The following PDSS2 variants were observed in gnomAD, a reference collection of about 807,000 sequenced individuals.
The protein encoded by PDSS2 is decaprenyl diphosphate synthase subunit 2.
PDSS2 carries 31 observed loss-of-function variants against 44.5 expected under a neutral mutation model. The ratio of observed to expected loss-of-function variants is 0.70; its 90% CI spans 0.52 to 0.94. PDSS2 has a LOEUF of 0.94. PDSS2 is among the 40% of genes least tolerant of loss of function. The pLI is 0.00. For missense variants in PDSS2, 452 were observed against 482.2 expected, an observed-to-expected ratio of 0.94 and a Z score of 0.59; for synonymous variants, 157 against 180.3, an observed-to-expected ratio of 0.87 and a Z score of 1.03.
chr6:107,264,578 G>A, intron 3 of PDSS2: 1 of 1,014,298 alleles, frequency 9.9e-7, no homozygotes, highest in Non-Finnish European at 1.5e-6. Flanking sequence ...CATTATATAT[G>A]TAAAGTAAAA....
At chr6:107,447,421 T>C (rs929619186) in intron 1 of PDSS2, among the ~76,000 whole-genome samples, 1 of 152,180 alleles carries the variant, frequency 6.6e-6, no homozygotes, top group Admixed American at 6.5e-5. Context: ...TAAATACATC[T>C]GTTCCAAATG....
chr6:107,186,476 G>GC (rs1562360501), intron 7 of PDSS2, among the ~76,000 whole-genome samples: 1 of 150,308 alleles, frequency 6.7e-6, no homozygotes. Flanking sequence ...TAATTATATA[G>GC]TTTTTTTTTT....
chr6:107,237,672 G>A (rs1158288030), intron 4 of PDSS2, among the ~76,000 whole-genome samples: 3 of 151,350 alleles, frequency 2.0e-5, no homozygotes, highest in Non-Finnish European at 4.4e-5. Context: ...AGGTCGAGGC[G>A]GGCAGGTCAC....
rs559891169 is a variant in PDSS2, at chr6:107,241,236, G to A, written c.702+4312C>T. 1.0e-3 allele frequency among the ~76,000 whole-genome samples: 127 copies of A among 124,250 alleles called. 1 individual carries two copies. The highest frequency in any genetic ancestry group is 3.8e-3 in the African/African-American group (121 of 31,620). The allele number at this position is 124,250 out of a possible 152,430, so 81.5% of individuals were successfully genotyped here. On this transcript the variant is annotated intron_variant, in intron 4 of 7. Coordinates refer to ENST00000369037, the MANE Select transcript of PDSS2 (RefSeq NM_020381.4). The stretch of plus-strand genomic sequence containing the variant: ...TGCACTCTAGCCTGGGCAACAGAGC[G>A]AGACTCGGTAAAAAAAAAAAAAAAA...
intron 6 of PDSS2, among the ~76,000 whole-genome samples, chr6:107,203,935 T>A (rs927999759): frequency 4.0e-5 from 6 of 150,390 alleles, no homozygotes; most frequent in African/African-American, 1.5e-4. Context: ...CTGGCTTCTT[T>A]CACTTATTAT....
intron 2 of PDSS2, among the ~76,000 whole-genome samples, chr6:107,283,915 A>G (rs2114988722): frequency 6.6e-6 from 1 of 151,622 alleles, no homozygotes; most frequent in South Asian, 2.1e-4. Flanking sequence ...CATGCCTCTG[A>G]TCTCAGTTAC....
chr6:107,365,724 C>T (rs916432753), intron 1 of PDSS2, among the ~76,000 whole-genome samples: 3 of 152,024 alleles, frequency 2.0e-5, no homozygotes, highest in African/African-American at 7.2e-5. Context: ...GCTGGAATGG[C>T]TATATTAATG....
chr6:107,290,151 T>G (rs370523709), intron 2 of PDSS2, among the ~76,000 whole-genome samples: 1 of 152,176 alleles, frequency 6.6e-6, no homozygotes, highest in Non-Finnish European at 1.5e-5. Flanking sequence ...AGAAGTTTAT[T>G]TCTTTACACC....
intron 1 of PDSS2, among the ~76,000 whole-genome samples, chr6:107,367,839 A>G (rs1445113887): frequency 6.6e-6 from 1 of 151,432 alleles, no homozygotes; most frequent in African/African-American, 2.4e-5. Context: ...ACATCCAGAT[A>G]GTAAAAGGAA....
At chr6:107,386,548 T>C (rs1779617943) in intron 1 of PDSS2, among the ~76,000 whole-genome samples, 1 of 152,178 alleles carries the variant, frequency 6.6e-6, no homozygotes, top group Non-Finnish European at 1.5e-5. Context: ...ACCATTCATG[T>C]CATAAAACCA....
At chr6:107,247,426 C>A (rs1013653331) in intron 3 of PDSS2, among the ~76,000 whole-genome samples, 1 of 152,130 alleles carries the variant, frequency 6.6e-6, no homozygotes, top group Non-Finnish European at 1.5e-5. Flanking sequence ...TTTCTCATTG[C>A]GTAAACCTGT....
At chr6:107,367,648 C>T (rs551051502) in intron 1 of PDSS2, among the ~76,000 whole-genome samples, 35 of 151,754 alleles carry the variant, frequency 2.3e-4, no homozygotes, top group Non-Finnish European at 4.4e-4. Flanking sequence ...TAGCCAGGTG[C>T]GGTGGCGGGC....
intron 1 of PDSS2, among the ~76,000 whole-genome samples, chr6:107,342,563 A>G (rs1778114233): frequency 6.6e-6 from 1 of 152,016 alleles, no homozygotes; most frequent in Admixed American, 6.6e-5. Flanking sequence ...TTAATTATAT[A>G]TTTAATACAA....
chr6:107,441,384 T>C (rs969084201), intron 1 of PDSS2, among the ~76,000 whole-genome samples: 2 of 152,208 alleles, frequency 1.3e-5, no homozygotes, highest in Admixed American at 6.5e-5. Flanking sequence ...AAGGGGAAGA[T>C]GAAAATTGAG....
intron 4 of PDSS2, among the ~76,000 whole-genome samples, chr6:107,230,691 G>GTTCTCATCACT (rs1774019241): frequency 2.0e-5 from 3 of 151,638 alleles, no homozygotes; most frequent in South Asian, 4.2e-4. Context: ...TTCTCATAGT[G>GTTCTCATCACT]ATGAGAAAAA....
chr6:107,155,465 T>C (rs1349419177), intron 7 of PDSS2, among the ~76,000 whole-genome samples: 1 of 152,044 alleles, frequency 6.6e-6, no homozygotes, highest in Admixed American at 6.6e-5. Context: ...GATATTCTTA[T>C]GTGAGGAAGG....
chr6:107,163,200 C>G (rs182273897), intron 7 of PDSS2, among the ~76,000 whole-genome samples: 1 of 152,128 alleles, frequency 6.6e-6, no homozygotes, highest in Non-Finnish European at 1.5e-5. Context: ...CTGATGATAG[C>G]TAACAGGGTA....
chr6:107,228,830 C>T lies in PDSS2; in HGVS notation c.703-16548G>A, dbSNP rs560598913. Among the ~76,000 whole-genome samples, 77 of 152,258 alleles carry T rather than the reference C, an allele frequency of 5.1e-4. 2 individuals are homozygous for T. The South Asian group carries it at 0.016, about 31-fold the overall frequency. On this transcript the variant is annotated intron_variant, in intron 4 of 7. Coordinates refer to ENST00000369037, the MANE Select transcript of PDSS2 (RefSeq NM_020381.4). ...ATCAAACGATTTATGACTGTGGTTA[C>T]TTTATAAAAAAGGATGCCAGTAAAA...
intron 1 of PDSS2, among the ~76,000 whole-genome samples, chr6:107,456,330 TAAAC>T (rs1782043471): frequency 6.6e-6 from 1 of 151,924 alleles, no homozygotes; most frequent in Non-Finnish European, 1.5e-5. Context: ...TGAAAATAAA[TAAAC>T]AAACAAAAGA....
Sources: gnomAD v4.1 joint callset for allele counts (sites outside exome capture counted in the v4.1 genomes callset) on GRCh38, gnomAD v4.1.1 for gene constraint, MANE v1.5 for transcripts, NCBI Gene and HGNC (gene_info 2026-07-23, HGNC 2026-07-21) for gene names.